Variants in GALNT3 observed in about 807,000 individuals in gnomAD.
GALNT3 encodes the protein GalNAc transferase 3.
Under a neutral mutation model 69.8 loss-of-function variants are expected in GALNT3, and 51 were observed. That is an observed-to-expected ratio of 0.73 (90% CI 0.58 to 0.92). The LOEUF is 0.92. Among genes scored for constraint, GALNT3 ranks in the 40% least tolerant of loss-of-function variants. The probability of loss-of-function intolerance (pLI) is 0.00; values close to 1 mark genes in which losing one functional copy is unlikely to be tolerated. For synonymous variants in GALNT3, 265 were observed against 248.5 expected, an observed-to-expected ratio of 1.07 and a Z score of -0.63; for missense variants, 711 against 760.0, an observed-to-expected ratio of 0.94 and a Z score of 0.76.
At position 165,770,238 on chromosome 2, in the gene GALNT3, T is replaced by C; in HGVS notation, c.463A>G (p.Ser155Gly). Residue 155 changes from serine (S) to glycine (G), a missense_variant, in exon 2 of 11, where the codon AGT becomes GGT. Ser to Gly is a moderately conservative substitution (Grantham distance 56). Coordinates refer to ENST00000392701, the MANE Select transcript of GALNT3 (RefSeq NM_004482.4). ...TCTCGGTGCAAAGAAATCCTGTCAC[T>C]TGCGAAAGCATTAAAGCAGTGTTTA... Reference protein sequence around the residue: ...EAKHCFNAFASDRISLHRDLG... With the variant: ...EAKHCFNAFAGDRISLHRDLG... The C allele has an allele frequency of 6.2e-7, 1 of 1,614,090 alleles. No homozygotes were observed. Among genetic ancestry groups the C allele is most frequent in the South Asian group, 1.1e-5 (1 of 91,070 alleles).
At chr2:165,780,440 T>C (rs1202898530) in intron 1 of GALNT3, among the ~76,000 whole-genome samples, 3 of 152,174 alleles carry the variant, frequency 2.0e-5, no homozygotes, top group Non-Finnish European at 2.9e-5. Context: ...ATGACCAATA[T>C]AGATCTGTAT....
intron 3 of GALNT3, among the ~76,000 whole-genome samples, chr2:165,763,789 C>T (rs1029384079): frequency 4.6e-5 from 7 of 152,128 alleles, no homozygotes; most frequent in Non-Finnish European, 7.3e-5. Flanking sequence ...CCCATGCACA[C>T]CCTTTATTTG....
intron 4 of GALNT3, 60 bp from the exon 5 acceptor site, chr2:165,759,630 A>G (rs1384178374): frequency 2.7e-5 from 34 of 1,239,126 alleles, no homozygotes; most frequent in Non-Finnish European, 4.0e-5. Flanking sequence ...TTCTTTAGTT[A>G]TTTAGGTGAA....
chr2:165,790,402 G>C (rs535280075), intron 1 of GALNT3, among the ~76,000 whole-genome samples: 2 of 152,250 alleles, frequency 1.3e-5, no homozygotes, highest in African/African-American at 4.8e-5. Flanking sequence ...GTGTACATGA[G>C]TTGTGTTAAA....
chr2:165,760,562 C>T (rs903114520), intron 4 of GALNT3, among the ~76,000 whole-genome samples: 4 of 152,256 alleles, frequency 2.6e-5, no homozygotes, highest in East Asian at 1.9e-4. Flanking sequence ...TTTTGAACAA[C>T]GAGAAGAAAT....
At chr2:165,766,844 A>G (rs1023732713) in intron 2 of GALNT3, among the ~76,000 whole-genome samples, 6 of 152,172 alleles carry the variant, frequency 3.9e-5, no homozygotes, top group Non-Finnish European at 8.8e-5. Flanking sequence ...TTTAACAGCA[A>G]GTCTTTAGAA....
chr2:165,775,610 T>G (rs1449459385), intron 1 of GALNT3, among the ~76,000 whole-genome samples: 1 of 152,200 alleles, frequency 6.6e-6, no homozygotes, highest in Admixed American at 6.5e-5. Context: ...TGAATGACAC[T>G]CAACACTAAG....
intron 1 of GALNT3, among the ~76,000 whole-genome samples, chr2:165,772,718 G>C (rs1166787684): frequency 6.6e-6 from 1 of 152,034 alleles, no homozygotes; most frequent in Non-Finnish European, 1.5e-5. Flanking sequence ...TTAGACAGGA[G>C]GGAAAATAGG....
intron 9 of GALNT3, 146 bp downstream of exon 9, chr2:165,754,481 A>T: frequency 1.6e-6 from 1 of 630,814 alleles, no homozygotes; most frequent in Non-Finnish European, 2.9e-6. Context: ...ATACTCATCA[A>T]TATCAATTGC....
intron 1 of GALNT3, among the ~76,000 whole-genome samples, chr2:165,782,356 A>G: frequency 6.7e-6 from 1 of 149,996 alleles, no homozygotes; most frequent in African/African-American, 2.5e-5. Context: ...ACACACTAAC[A>G]CGATAGCTGA....
rs912520696 is a variant in GALNT3 at position 165,748,220 on chromosome 2, T to C, written c.*561A>G. 5.5e-5 allele frequency: 11 copies of C among 200,460 alleles called. No individual in the cohort carries two copies. Among genetic ancestry groups the C allele is most frequent in the African/African-American group, 2.3e-4 (10 of 43,548 alleles). 12.4% of individuals were successfully genotyped at this position (200,460 alleles called of 1,614,324 possible). On this transcript the variant is annotated 3_prime_UTR_variant, in exon 11 of 11. Coordinates refer to ENST00000392701, the MANE Select transcript of GALNT3 (RefSeq NM_004482.4). ...AGTGTTAAAAATACTCTTCTCCTTATTCAGTTTCATGTTTAAGGAAACATT... is the reference window on the plus strand; with the variant it reads ...AGTGTTAAAAATACTCTTCTCCTTACTCAGTTTCATGTTTAAGGAAACATT...
chr2:165,759,930 C>G (rs552834173), intron 4 of GALNT3, among the ~76,000 whole-genome samples: 4 of 151,844 alleles, frequency 2.6e-5, no homozygotes, highest in Non-Finnish European at 5.9e-5. Context: ...ACAGTCACCA[C>G]GTTGTACAAT....
chr2:165,788,056 C>T lies in GALNT3; in HGVS notation c.-109+5959G>A, dbSNP rs370556728. On this transcript the variant is annotated intron_variant, in intron 1 of 10. Coordinates refer to ENST00000392701, the MANE Select transcript of GALNT3 (RefSeq NM_004482.4). Reference sequence around the variant, plus strand: ...TTAAAAAGGCAGATTGGGCCAGGCGCGGTGGCTCACACCTATAATCCCAGC... The same window carrying T: ...TTAAAAAGGCAGATTGGGCCAGGCGTGGTGGCTCACACCTATAATCCCAGC... Among the ~76,000 whole-genome samples, 41 of 152,130 alleles carry T rather than the reference C, an allele frequency of 2.7e-4. No homozygotes were observed. In the East Asian group the frequency reaches 5.0e-3, roughly 19 times the overall value.
intron 1 of GALNT3, among the ~76,000 whole-genome samples, chr2:165,785,789 C>T (rs893590269): frequency 1.3e-5 from 2 of 151,934 alleles, no homozygotes; most frequent in African/African-American, 2.4e-5. Context: ...AGCAACAGTC[C>T]GAACAGGGGC....
At position 165,790,817 on chromosome 2, in the gene GALNT3, C is replaced by T. The variant is rs561046974; in HGVS notation, c.-109+3198G>A. On this transcript the variant is annotated intron_variant, in intron 1 of 10. Coordinates refer to ENST00000392701, the MANE Select transcript of GALNT3 (RefSeq NM_004482.4). ...GGAGTGTAATTCCTACAATTTGTCTCATACTTGTTTCATAGTAAAAAAGAA... is the reference window on the plus strand; with the variant it reads ...GGAGTGTAATTCCTACAATTTGTCTTATACTTGTTTCATAGTAAAAAAGAA... 7.2e-5 allele frequency among the ~76,000 whole-genome samples: 11 copies of T among 152,186 alleles called. No individual in the cohort carries two copies. The East Asian group carries it at 2.1e-3, about 29-fold the overall frequency.
At chr2:165,757,366 C>A (rs1688464822) in intron 6 of GALNT3, 119 bp from the exon 7 acceptor site, 2 of 918,506 alleles carry the variant, frequency 2.2e-6, no homozygotes, top group East Asian at 2.6e-5. Context: ...TACAATATTA[C>A]AAATAGTCTC....
intron 2 of GALNT3, among the ~76,000 whole-genome samples, chr2:165,767,729 T>A (rs1358575326): frequency 1.3e-5 from 2 of 152,158 alleles, no homozygotes; most frequent in African/African-American, 4.8e-5. Context: ...CATAGAAACA[T>A]GCTTAAATTA....
intron 1 of GALNT3, among the ~76,000 whole-genome samples, chr2:165,778,711 G>A (rs1328362871): frequency 1.3e-5 from 2 of 152,190 alleles, no homozygotes; most frequent in African/African-American, 4.8e-5. Context: ...TGCCCCTGAA[G>A]TTCCAGAAGA....
chr2:165,770,734 C>A lies in GALNT3; in HGVS notation c.-34G>T. The A allele has an allele frequency of 6.3e-7, 1 of 1,594,678 alleles. No homozygotes were observed. Among genetic ancestry groups the A allele is most frequent in the East Asian group, 2.2e-5 (1 of 44,782 alleles). On this transcript the variant is annotated 5_prime_UTR_variant, in exon 2 of 11. Transcript: ENST00000392701. ...TAAAAGCTTGTCACTTGACAAATAA[C>A]AGTTATTTCTTCTTCTGTTACTTAT...
Sources: gnomAD v4.1 joint callset for allele counts (sites outside exome capture counted in the v4.1 genomes callset) on GRCh38, gnomAD v4.1.1 for gene constraint, MANE v1.5 for transcripts, NCBI Gene and HGNC (gene_info 2026-07-23, HGNC 2026-07-21) for gene names.